The following MALRD1 variants were observed in gnomAD, a reference collection of about 807,000 sequenced individuals.
The protein encoded by MALRD1 is MAM and LDL-receptor class A domain-containing protein 1.
In MALRD1, 247 loss-of-function variants were observed where a neutral mutation model predicts 242.1. The ratio of observed to expected loss-of-function variants is 1.02; its 90% CI spans 0.92 to 1.13. MALRD1 has a LOEUF of 1.13. Among genes scored for constraint, MALRD1 ranks in the 50% most tolerant of loss-of-function variants. MALRD1 has a pLI of 0.00. For synonymous variants in MALRD1, 995 were observed against 866.6 expected, an observed-to-expected ratio of 1.15 and a Z score of -2.60; for missense variants, 2,989 against 2,533.1, an observed-to-expected ratio of 1.18 and a Z score of -3.86.
intron 30 of MALRD1, among the ~76,000 whole-genome samples, chr10:19,496,841 A>T (rs917009114): frequency 1.3e-5 from 2 of 152,174 alleles, no homozygotes; most frequent in Non-Finnish European, 2.9e-5. Flanking sequence ...AAATTGAAGG[A>T]CGTGGAAAAA....
At chr10:19,592,769 A>ACG (rs1157479873) in intron 33 of MALRD1, among the ~76,000 whole-genome samples, 5 of 147,998 alleles carry the variant, frequency 3.4e-5, no homozygotes, top group African/African-American at 1.3e-4. Context: ...ACACGCACGC[A>ACG]CACACACACA....
In MALRD1 at chr10:19,687,910, A is replaced by AATGTTATGTT. The variant is rs55753738; in HGVS notation, c.6138-4309_6138-4300dup. 8.0e-3 allele frequency among the ~76,000 whole-genome samples: 1,102 copies of AATGTTATGTT among 137,376 alleles called. 16 individuals are homozygous for AATGTTATGTT. The highest frequency in any genetic ancestry group is 0.021 in the East Asian group (94 of 4,506). 90.1% of individuals were successfully genotyped at this position (137,376 alleles called of 152,430 possible). A position where few individuals can be genotyped will look rare whatever the true frequency, so the allele number is the denominator to read the frequency against. The stretch of plus-strand genomic sequence containing the variant: ...CTTAATTATTATTATTTATTTTTTT[A>AATGTTATGTT]ATGTTATGTTATGTTATGTTATGTT... On this transcript the variant is annotated intron_variant, in intron 36 of 39. Transcript: ENST00000454679.
At chr10:19,448,287 T>C (rs1835115935) in intron 28 of MALRD1, among the ~76,000 whole-genome samples, 1 of 152,210 alleles carries the variant, frequency 6.6e-6, no homozygotes, top group South Asian at 2.1e-4. Flanking sequence ...CTTCTGTATG[T>C]CATTTCCCTA....
At chr10:19,657,918 C>G (rs573004601) in intron 36 of MALRD1, among the ~76,000 whole-genome samples, 24 of 152,134 alleles carry the variant, frequency 1.6e-4, no homozygotes, top group Middle Eastern at 3.4e-3. Context: ...GAGGCTGAGG[C>G]GGGTGGATCA....
chr10:19,247,381 T>C (rs1839106766), intron 18 of MALRD1, among the ~76,000 whole-genome samples: 1 of 152,046 alleles, frequency 6.6e-6, no homozygotes, highest in African/African-American at 2.4e-5. Flanking sequence ...CAAGGATAAC[T>C]TGGGTTGCAA....
intron 36 of MALRD1, among the ~76,000 whole-genome samples, chr10:19,622,624 G>A (rs1471069229): frequency 6.6e-6 from 1 of 150,654 alleles, no homozygotes; most frequent in Non-Finnish European, 1.5e-5. Flanking sequence ...AGAAATGAGT[G>A]GAACAATAGC....
intron 27 of MALRD1, among the ~76,000 whole-genome samples, chr10:19,388,983 T>G (rs1240139093): frequency 6.6e-6 from 1 of 152,046 alleles, no homozygotes; most frequent in African/African-American, 2.4e-5. Context: ...TATGGATATG[T>G]CAATGTGCAA....
intron 31 of MALRD1, among the ~76,000 whole-genome samples, chr10:19,514,190 G>A (rs1055570087): frequency 1.3e-5 from 2 of 152,098 alleles, no homozygotes; most frequent in Non-Finnish European, 2.9e-5. Flanking sequence ...AGAAAATTTT[G>A]TTTTTGCAAC....
rs144166027 is a variant in MALRD1 at position 19,341,606 on chromosome 10, T to G, written c.3902-6165T>G. Among the ~76,000 whole-genome samples, 253 of 150,322 alleles carry G rather than the reference T, an allele frequency of 1.7e-3. 1 individual carries two copies. The highest frequency in any genetic ancestry group is 6.1e-3 in the African/African-American group (248 of 40,956). On this transcript the variant is annotated intron_variant, in intron 24 of 39. Coordinates refer to ENST00000454679, the MANE Select transcript of MALRD1 (RefSeq NM_001142308.3). ...AAAACACTCACACACACACAGATATTACAGTGATTAGTGTTCCAGCAAAAA... is the reference window on the plus strand; with the variant it reads ...AAAACACTCACACACACACAGATATGACAGTGATTAGTGTTCCAGCAAAAA...
rs1446216243 is a variant in MALRD1 at position 19,331,457 on chromosome 10, G to T, written c.3776G>T (p.Ser1259Ile). 2 of 1,550,468 alleles carry T rather than the reference G, an allele frequency of 1.3e-6. No individual in the cohort carries two copies. Among genetic ancestry groups the T allele is most frequent in the East Asian group, 2.4e-5 (1 of 40,874 alleles). Residue 1259 changes from serine (S) to isoleucine (I), a missense_variant, in exon 24 of 40, where the codon AGC becomes ATC. Transcript: ENST00000454679. ...ISFQDCSPLL[S>I]PERKCTDHEF... The stretch of plus-strand genomic sequence containing the variant: ...TTCCAAGATTGCTCCCCTTTGCTTA[G>T]CCCAGAGAGAAAGTGTACTGATCAT...
At chr10:19,078,945 A>G (rs1835400670) in intron 2 of MALRD1, among the ~76,000 whole-genome samples, 1 of 151,384 alleles carries the variant, frequency 6.6e-6, no homozygotes, top group African/African-American at 2.4e-5. Flanking sequence ...TGTCAGTTTT[A>G]TTGATCTTTC....
chr10:19,114,776 T>A (rs1836812571), intron 5 of MALRD1, among the ~76,000 whole-genome samples: 1 of 152,210 alleles, frequency 6.6e-6, no homozygotes, highest in Non-Finnish European at 1.5e-5. Context: ...AATAGAAATT[T>A]ATTTTTTCTT....
At chr10:19,353,538 A>T (rs147862694) in intron 26 of MALRD1, among the ~76,000 whole-genome samples, 16 of 152,324 alleles carry the variant, frequency 1.1e-4, no homozygotes, top group African/African-American at 3.8e-4. Context: ...AAGTTTCTAG[A>T]TAAATGTTTC....
intron 36 of MALRD1, among the ~76,000 whole-genome samples, chr10:19,670,871 A>G (rs1456675811): frequency 1.3e-5 from 2 of 151,182 alleles, no homozygotes; most frequent in Non-Finnish European, 2.9e-5. Context: ...TTTCTCAACA[A>G]AACAATCATT....
At chr10:19,071,402 A>T (rs1489007543) in intron 2 of MALRD1, among the ~76,000 whole-genome samples, 1 of 151,250 alleles carries the variant, frequency 6.6e-6, no homozygotes, top group African/African-American at 2.4e-5. Context: ...CCCAGGAGAG[A>T]GCAGTCCTTC....
intron 5 of MALRD1, among the ~76,000 whole-genome samples, chr10:19,114,009 C>T (rs1470047918): frequency 6.6e-6 from 1 of 152,066 alleles, no homozygotes; most frequent in African/African-American, 2.4e-5. Flanking sequence ...ATTCAAATGC[C>T]AAATATTTGA....
At chr10:19,282,354 C>G (rs1284361735) in intron 20 of MALRD1, among the ~76,000 whole-genome samples, 1 of 152,114 alleles carries the variant, frequency 6.6e-6, no homozygotes, top group Non-Finnish European at 1.5e-5. Context: ...ATTAATGTCA[C>G]TTAAAAGCTA....
chr10:19,605,573 T>C (rs1020233887), intron 34 of MALRD1, among the ~76,000 whole-genome samples: 12 of 149,144 alleles, frequency 8.0e-5, no homozygotes, highest in African/African-American at 2.9e-4. Context: ...ACTGAACCAA[T>C]AGAAAACTTA....
At chr10:19,471,925 A>G (rs1361701082) in intron 29 of MALRD1, among the ~76,000 whole-genome samples, 3 of 151,798 alleles carry the variant, frequency 2.0e-5, no homozygotes, top group Non-Finnish European at 4.4e-5. Context: ...TCCTTTTCTT[A>G]TCTATTTTCC....
Sources: gnomAD v4.1 joint callset for allele counts (sites outside exome capture counted in the v4.1 genomes callset) on GRCh38, gnomAD v4.1.1 for gene constraint, MANE v1.5 for transcripts, NCBI Gene and HGNC (gene_info 2026-07-23, HGNC 2026-07-21) for gene names.